PCDHGA1: variants seen among roughly 807,000 people sequenced by gnomAD.
PCDHGA1 encodes the protein protocadherin gamma subfamily A, 1.
PCDHGA1 carries 32 observed loss-of-function variants against 58.0 expected under a neutral mutation model. That is an observed-to-expected ratio of 0.55 (90% CI 0.42 to 0.74). PCDHGA1 has a LOEUF of 0.74. Among genes scored for constraint, PCDHGA1 ranks in the 30% least tolerant of loss-of-function variants. PCDHGA1 has a pLI of 0.00. For missense variants in PCDHGA1, 1,205 were observed against 1,182.3 expected, an observed-to-expected ratio of 1.02 and a Z score of -0.28; for synonymous variants, 498 against 501.1, an observed-to-expected ratio of 0.99 and a Z score of 0.08.
Position 141,421,742 on chromosome 5 carries a change from A to G in PCDHGA1, c.2422-73065A>G, listed in dbSNP as rs772984365. The stretch of plus-strand genomic sequence containing the variant: ...GGCGTGAACTCCCTCCAGAGCTACC[A>G]GCTCAGCCCTAATAATTACTTTTCC... On this transcript the variant is annotated intron_variant, in intron 1 of 3. Transcript: ENST00000517417. The G allele has an allele frequency of 4.3e-6, 7 of 1,613,826 alleles. No individual in the cohort carries two copies. The East Asian group carries it at 1.3e-4, about 31-fold the overall frequency.
At chr5:141,454,426 GAC>G (rs746508144) in intron 1 of PCDHGA1, among the ~76,000 whole-genome samples, 3 of 152,168 alleles carry the variant, frequency 2.0e-5, no homozygotes, top group Non-Finnish European at 2.9e-5. Context: ...TTTATTTAGA[GAC>G]AGAGTTTCAC....
chr5:141,408,769 C>A (rs754783489), intron 1 of PCDHGA1: 3 of 1,611,166 alleles, frequency 1.9e-6, no homozygotes, highest in South Asian at 1.1e-5. Flanking sequence ...CCGATGGTGG[C>A]AAATACCCAG....
At chr5:141,428,362 G>T (rs868168419) in intron 1 of PCDHGA1, 2 of 556,756 alleles carry the variant, frequency 3.6e-6, no homozygotes, top group Non-Finnish European at 6.6e-6. Context: ...TTTGGCGGTC[G>T]CCTTGCACCT....
At chr5:141,360,708 T>C in intron 1 of PCDHGA1, 1 of 1,613,948 alleles carries the variant, frequency 6.2e-7, no homozygotes, top group South Asian at 1.1e-5. Context: ...GTCGTAAATA[T>C]CCTGAGTTGA....
intron 1 of PCDHGA1, chr5:141,372,061 A>C: frequency 1.2e-6 from 2 of 1,613,572 alleles, no homozygotes; most frequent in Non-Finnish European, 1.7e-6. Context: ...GACGACCGCA[A>C]CGACAATGCA....
At chr5:141,366,516 G>A (rs1198130864) in intron 1 of PCDHGA1, 2 of 1,614,274 alleles carry the variant, frequency 1.2e-6, no homozygotes, top group East Asian at 2.2e-5. Flanking sequence ...CAGGCTGAAG[G>A]CAGCAGGTTG....
chr5:141,447,689 AG>A lies in PCDHGA1; in HGVS notation c.2422-47115del, dbSNP rs145694922. ...TTAGAACTGTTCCATATCTTGATAGAGGGATGGGTTATAAGGATGTACACAT... is the reference window on the plus strand; with the variant it reads ...TTAGAACTGTTCCATATCTTGATAGAGGATGGGTTATAAGGATGTACACAT... On this transcript the variant is annotated intron_variant, in intron 1 of 3. Coordinates refer to ENST00000517417, the MANE Select transcript of PCDHGA1 (RefSeq NM_018912.3). Among the ~76,000 whole-genome samples the A allele has an allele frequency of 4.6e-3, 694 of 152,302 alleles. 4 individuals are homozygous for A. The highest frequency in any genetic ancestry group is 0.015 in the African/African-American group (633 of 41,566).
intron 1 of PCDHGA1, chr5:141,370,525 G>T: frequency 1.2e-6 from 2 of 1,613,874 alleles, no homozygotes; most frequent in Non-Finnish European, 1.7e-6. Flanking sequence ...CTGGACAGGG[G>T]CTCGCTGGTA....
intron 1 of PCDHGA1, chr5:141,415,086 G>C: frequency 5.6e-6 from 9 of 1,613,554 alleles, no homozygotes; most frequent in Non-Finnish European, 6.8e-6. Context: ...GAGCCCTGCT[G>C]GACAGAGACG....
At chr5:141,497,719 T>C (rs1311566820) in intron 2 of PCDHGA1, among the ~76,000 whole-genome samples, 2 of 152,076 alleles carry the variant, frequency 1.3e-5, no homozygotes, top group Non-Finnish European at 2.9e-5. Context: ...TTTGTATTTT[T>C]AGTAGAGATG....
rs371619613 is a variant in PCDHGA1 at position 141,444,258 on chromosome 5, G to A, written c.2422-50549G>A. The stretch of plus-strand genomic sequence containing the variant: ...ATGCTCTCGGCTCACTGCAACCTCC[G>A]CCTCCCAGGTTCAAGTGATTCTCCT... On this transcript the variant is annotated intron_variant, in intron 1 of 3. Coordinates refer to ENST00000517417, the MANE Select transcript of PCDHGA1 (RefSeq NM_018912.3). 1.3e-4 allele frequency among the ~76,000 whole-genome samples: 16 copies of A among 127,752 alleles called. No homozygotes were observed. The South Asian group carries it at 2.7e-3, about 21-fold the overall frequency. The allele number at this position is 127,752 out of a possible 152,430, so 83.8% of individuals were successfully genotyped here.
rs926566427 is a variant in PCDHGA1, at chr5:141,505,127, A to T, written c.2481-266A>T. Among the ~76,000 whole-genome samples, 9 of 152,158 alleles carry T rather than the reference A, an allele frequency of 5.9e-5. No homozygotes were observed. The East Asian group carries it at 1.5e-3, about 26-fold the overall frequency. The stretch of plus-strand genomic sequence containing the variant: ...CAATGAGCCAAGATCGCGCCACTGC[A>T]CTCCAGCCTGGATGACAGAGTAAGA... On this transcript the variant is annotated intron_variant, in intron 2 of 3. Transcript: ENST00000517417.
intron 1 of PCDHGA1, among the ~76,000 whole-genome samples, chr5:141,456,621 G>T (rs6885794): frequency 0.55 from 83,339 of 152,038 alleles, 25,195 homozygotes; most frequent in African/African-American, 0.82. Context: ...CTGTAGATTT[G>T]CCTCTTCTTT....
chr5:141,424,203 GC>G (rs777832241), intron 1 of PCDHGA1: 3 of 175,740 alleles, frequency 1.7e-5, no homozygotes, highest in Non-Finnish European at 3.6e-5. Flanking sequence ...ATACACGTAA[GC>G]TTTTCTCTGA....
At chr5:141,410,847 G>GTT (rs773839667) in intron 1 of PCDHGA1, 4 of 158,332 alleles carry the variant, frequency 2.5e-5, no homozygotes, top group South Asian at 1.1e-4. Flanking sequence ...TTTTGTCTTT[G>GTT]TCTTTTTTTT....
At chr5:141,399,728 G>A in intron 1 of PCDHGA1, 1 of 1,613,276 alleles carries the variant, frequency 6.2e-7, no homozygotes, top group East Asian at 2.2e-5. Flanking sequence ...CGCGACCAGG[G>A]CTCGCCTGCG....
chr5:141,378,217 G>A (rs977724774), intron 1 of PCDHGA1: 2 of 152,186 alleles, frequency 1.3e-5, no homozygotes, highest in African/African-American at 4.8e-5. Context: ...CATACTGTGT[G>A]CCTGATAGTA....
chr5:141,381,826 C>CTTCTTTTTTTT (rs1777532522), intron 1 of PCDHGA1, among the ~76,000 whole-genome samples: 8 of 74,294 alleles, frequency 1.1e-4, no homozygotes, highest in African/African-American at 4.3e-4. Context: ...CTTTCTTCTT[C>CTTCTTTTTTTT]TTTTTTTTTT....
Position 141,409,702 on chromosome 5 carries a change from G to A in PCDHGA1, c.2421+76597G>A, listed in dbSNP as rs545411022. The A allele has an allele frequency of 2.0e-5, 32 of 1,613,226 alleles. No homozygotes were observed. In the South Asian group the frequency reaches 3.0e-4, roughly 15 times the overall value. On this transcript the variant is annotated intron_variant, in intron 1 of 3. Transcript: ENST00000517417. ...TGGCGAGTGACCTAGAGCCCCTGGC[G>A]GTGTCGTCATACGTGTCAGTGAGCG...
Sources: allele counts gnomAD v4.1 joint callset (sites outside exome capture counted in the v4.1 genomes callset), GRCh38; gene constraint gnomAD v4.1.1; transcripts MANE v1.5; gene names NCBI Gene and HGNC (gene_info 2026-07-23, HGNC 2026-07-21).